Variants in AARSD1 observed in about 807,000 individuals in gnomAD.
AARSD1 encodes the protein alanyl-tRNA editing protein Aarsd1.
AARSD1 carries 44 observed loss-of-function variants against 48.7 expected under a neutral mutation model. The observed-to-expected ratio is 0.90, with a 90% confidence interval of 0.71 to 1.16. The LOEUF (loss-of-function observed/expected upper bound fraction) is 1.16, where lower values mean the gene tolerates loss of function less well. AARSD1 is among the 50% of genes most tolerant of loss of function. The pLI, the probability that AARSD1 is intolerant of heterozygous loss-of-function variation, is 0.00. For synonymous variants in AARSD1, 189 were observed against 194.9 expected (o/e 0.97, Z 0.25); for missense variants, 511 against 523.1 (o/e 0.98, Z 0.23).
In AARSD1 at chr17:42,961,315, G is replaced by A. The variant is rs564932830; in HGVS notation, c.208C>T (p.Leu70=). Reference sequence around the variant, plus strand: ...TGTTCCCCACGGCGAGTCACTCTCAGCACAGAGATGTCATTGATTGTACCA... The same window carrying A: ...TGTTCCCCACGGCGAGTCACTCTCAACACAGAGATGTCATTGATTGTACCA... ...DRGTINDISV[L]RVTRRGEQAD... is the part of the protein sequence containing the mutation. The change falls in exon 3 of 12, where the codon CTG becomes TTG. Residue 70 remains leucine, a synonymous_variant. Coordinates refer to ENST00000427569, the MANE Select transcript of AARSD1 (RefSeq NM_001261434.2). 4 of 1,614,152 alleles carry A rather than the reference G, an allele frequency of 2.5e-6. No individual in the cohort carries two copies. In the South Asian group the frequency reaches 4.4e-5, roughly 18 times the overall value.
In AARSD1 at chr17:42,964,000, T is replaced by C. The variant is rs1405208366; in HGVS notation, c.171+106A>G. 1.2e-5 allele frequency: 18 copies of C among 1,539,974 alleles called. No homozygotes were observed. In the Admixed American group the frequency reaches 2.6e-4, roughly 22 times the overall value. ...AAATGAATAACAAAATGAATTAAAC[T>C]AAAGCTCATCTGAATTCATTATGGC... On this transcript the variant is annotated intron_variant, in intron 2 of 11. Coordinates refer to ENST00000427569, the MANE Select transcript of AARSD1 (RefSeq NM_001261434.2).
At position 42,957,903 on chromosome 17, in the gene AARSD1, AGAAGAG is replaced by A. The variant is rs990946904; in HGVS notation, c.332-714_332-709del. Among the ~76,000 whole-genome samples, 4 of 152,294 alleles carry A rather than the reference AGAAGAG, an allele frequency of 2.6e-5. No individual in the cohort carries two copies. The South Asian group carries it at 8.3e-4, about 32-fold the overall frequency. On this transcript the variant is annotated intron_variant, in intron 3 of 11. Coordinates refer to ENST00000427569, the MANE Select transcript of AARSD1 (RefSeq NM_001261434.2). Reference sequence around the variant, plus strand: ...TTGACAAGAGTGATGATGAGGAGAAAGAAGAGGAAGAGGAGGAGGAAGAAAAGGAGA... The same window carrying A: ...TTGACAAGAGTGATGATGAGGAGAAAGAAGAGGAGGAGGAAGAAAAGGAGA...
At position 42,950,652 on chromosome 17, in the gene AARSD1, G is replaced by C; in HGVS notation, c.1180C>G (p.Arg394Gly). 6.2e-7 allele frequency: 1 copy of C among 1,613,928 alleles called. No homozygotes were observed. Among genetic ancestry groups the C allele is most frequent in the Non-Finnish European group, 8.5e-7 (1 of 1,179,968 alleles). ...FQGKATKMSR[R>G]MEAQALLQDY... ...TGGAGAAGCGCCTGCGCCTCCATCCGCCGGCTCATCTTGGTGGCCTTGCCC... is the reference window on the plus strand; with the variant it reads ...TGGAGAAGCGCCTGCGCCTCCATCCCCCGGCTCATCTTGGTGGCCTTGCCC... The change falls in exon 12 of 12, where the codon CGG (arginine) becomes GGG (glycine). Residue 394 changes from arginine (R) to glycine (G), a missense_variant. Transcript: ENST00000427569.
At position 42,961,254 on chromosome 17, in the gene AARSD1, C is replaced by T. The variant is rs774792788; in HGVS notation, c.269G>A (p.Gly90Glu). 3.1e-6 allele frequency: 5 copies of T among 1,614,012 alleles called. No homozygotes were observed. In the South Asian group the frequency reaches 5.5e-5, roughly 18 times the overall value. The change falls in exon 3 of 12, where the codon GGA becomes GAA. Residue 90 changes from glycine (G) to glutamate (E), a missense_variant. By Grantham distance (98) the Gly-to-Glu change is moderately conservative. Transcript: ENST00000427569. The part of the protein sequence containing the change: ...DHFTQTPLDP[G>E]SQVLVRVDWE... ...ATCTACCCGGACCAGAACCTGGCTT[C>T]CTGGATCCAGGGGTGTCTGGGTGAA...
intron 6 of AARSD1, 38 bp downstream of exon 6, chr17:42,956,166 C>T: frequency 1.2e-6 from 2 of 1,613,604 alleles, no homozygotes; most frequent in Non-Finnish European, 1.7e-6. Flanking sequence ...CTCCCCCAAT[C>T]CCTCTTCTCA....
Position 42,964,145 on chromosome 17 carries a change from C to A in AARSD1, c.132G>T (p.Val44=). The A allele has an allele frequency of 6.2e-7, 1 of 1,614,218 alleles. No individual in the cohort carries two copies. The highest frequency in any genetic ancestry group is 1.1e-5 in the South Asian group (1 of 91,086). ...CAGGGAAAAGCACTGTGTCTTCCAG[C>A]ACCACTTGGAAACCGCTCAGCACTT... is the stretch of plus-strand genomic sequence containing the variant. ...KKEVLSGFQV[V]LEDTVLFPEG... Residue 44 remains valine, a synonymous_variant, in exon 2 of 12, where the codon GTG becomes GTT. Transcript: ENST00000427569.
intron 1 of AARSD1, 32 bp from the exon 2 acceptor site, chr17:42,964,269 G>T: frequency 6.8e-7 from 1 of 1,468,738 alleles, no homozygotes; most frequent in Non-Finnish European, 9.0e-7. Flanking sequence ...AATAAGCCCC[G>T]ACCCCAGCCC....
At chr17:42,963,839 C>G (rs2049672295) in intron 2 of AARSD1, among the ~76,000 whole-genome samples, 1 of 152,116 alleles carries the variant, frequency 6.6e-6, no homozygotes, top group African/African-American at 2.4e-5. Flanking sequence ...CTTATTATAC[C>G]TAGCACACAC....
chr17:42,964,022 T>G, intron 2 of AARSD1, 84 bp downstream of exon 2: 1 of 1,587,880 alleles, frequency 6.3e-7, no homozygotes, highest in South Asian at 1.1e-5. Context: ...GAATTCATTA[T>G]GGCTGAGAAA....
At chr17:42,963,166 C>G (rs1397559359) in intron 2 of AARSD1, among the ~76,000 whole-genome samples, 4 of 151,352 alleles carry the variant, frequency 2.6e-5, no homozygotes, top group African/African-American at 9.7e-5. Flanking sequence ...ACTGCAACTT[C>G]AGCCTCCCGG....
At chr17:42,955,721 G>A (rs1398895595) in intron 7 of AARSD1, 121 bp downstream of exon 7, 44 of 1,527,918 alleles carry the variant, frequency 2.9e-5, no homozygotes, top group Middle Eastern at 2.4e-4. Flanking sequence ...GATTACAGAT[G>A]TGGGCCACCA....
Position 42,957,139 on chromosome 17 carries a change from A to G in AARSD1, c.388T>C (p.Trp130Arg). Residue 130 changes from tryptophan (W) to arginine (R), a missense_variant and splice_region_variant, in exon 4 of 12, where the codon TGG becomes CGG. Trp to Arg is a moderately radical substitution (Grantham distance 101). Transcript: ENST00000427569. ...GTTAGTCTTATGCCTCCCACTCACC[A>G]TGATGTTGTCTTCAGCTTAAATAGA... is the stretch of plus-strand genomic sequence containing the variant. ...DHLFKLKTTS[W>R]ELGRFRSAIE... 1 of 1,613,158 alleles carries G rather than the reference A, an allele frequency of 6.2e-7. No homozygotes were observed. Among genetic ancestry groups the G allele is most frequent in the Non-Finnish European group, 8.5e-7 (1 of 1,179,664 alleles).
chr17:42,950,712 C>A lies in AARSD1; in HGVS notation c.1120G>T (p.Glu374Ter). 6.2e-7 allele frequency: 1 copy of A among 1,613,640 alleles called. No homozygotes were observed. The highest frequency in any genetic ancestry group is 1.3e-5 in the African/African-American group (1 of 75,020). The change falls in exon 12 of 12, where the codon GAA becomes TAA. Residue 374 changes from glutamate to a stop codon, truncating the protein, a stop_gained. Transcript: ENST00000427569. LOFTEE classifies it high-confidence loss of function. ...TLGPRVAEVL[E>*]GKGAGKKGRF... Reference sequence around the variant, plus strand: ...CCTTTCTTCCCTGCTCCTTTGCCTTCCAGGACCTCAGCCACCCTGGGGAAC... The same window carrying A: ...CCTTTCTTCCCTGCTCCTTTGCCTTACAGGACCTCAGCCACCCTGGGGAAC...
intron 2 of AARSD1, among the ~76,000 whole-genome samples, chr17:42,963,402 CAA>C (rs902336400): frequency 1.5e-5 from 2 of 131,506 alleles, no homozygotes; most frequent in Non-Finnish European, 1.6e-5. Context: ...GATTCTGTCT[CAA>C]AAAAAAAAAG....
At chr17:42,950,756 A>G (rs750277711) in intron 11 of AARSD1, 28 bp from the exon 12 acceptor site, 1 of 1,581,770 alleles carries the variant, frequency 6.3e-7, no homozygotes, top group Non-Finnish European at 8.6e-7. Context: ...AGTCAGGGAG[A>G]CTTTGAGGGA....
Position 42,964,169 on chromosome 17 carries a change from T to G in AARSD1, c.108A>C (p.Glu36Asp). Residue 36 changes from glutamate to aspartate, a missense_variant, in exon 2 of 12, where the codon GAA becomes GAC. Transcript: ENST00000427569. ...GCACCACTTGGAAACCGCTCAGCAC[T>G]TCTTTCTTGCCGTTGCTCCCTTCAG... is the stretch of plus-strand genomic sequence containing the variant. ...LQTEGSNGKK[E>D]VLSGFQVVLE... is the part of the protein sequence containing the mutation. The G allele has an allele frequency of 1.2e-6, 2 of 1,614,238 alleles. No homozygotes were observed. Among genetic ancestry groups the G allele is most frequent in the Non-Finnish European group, 1.7e-6 (2 of 1,180,044 alleles).
At chr17:42,951,741 G>C (rs975371698) in intron 11 of AARSD1, 59 bp downstream of exon 11, 1 of 1,566,910 alleles carries the variant, frequency 6.4e-7, no homozygotes. Flanking sequence ...CTCAGTAAAG[G>C]AATGTATTTG....
intron 3 of AARSD1, among the ~76,000 whole-genome samples, chr17:42,958,920 C>T (rs906838858): frequency 6.7e-5 from 10 of 148,194 alleles, no homozygotes; most frequent in Admixed American, 3.4e-4. Flanking sequence ...TTATTTATGC[C>T]AGGTGCGGTG....
rs1341617799 is a variant in AARSD1, at chr17:42,964,168, C to T, written c.109G>A (p.Val37Met). Residue 37 changes from valine to methionine, a missense_variant, in exon 2 of 12, where the codon GTG becomes ATG. Transcript: ENST00000427569. ...QTEGSNGKKEVLSGFQVVLED... is the reference protein window; with the variant it reads ...QTEGSNGKKEMLSGFQVVLED... ...AGCACCACTTGGAAACCGCTCAGCA[C>T]TTCTTTCTTGCCGTTGCTCCCTTCA... 12 of 1,614,248 alleles carry T rather than the reference C, an allele frequency of 7.4e-6. No individual in the cohort carries two copies. Among genetic ancestry groups the T allele is most frequent in the Non-Finnish European group, 1.0e-5 (12 of 1,180,048 alleles).
Sources: allele counts gnomAD v4.1 joint callset (sites outside exome capture counted in the v4.1 genomes callset), GRCh38; gene constraint gnomAD v4.1.1; transcripts MANE v1.5; gene names NCBI Gene and HGNC (gene_info 2026-07-23, HGNC 2026-07-21).